Variants in CLYBL observed in about 807,000 individuals in gnomAD.
CLYBL encodes citramalyl-CoA lyase.
CLYBL carries 31 observed loss-of-function variants against 38.9 expected under a neutral mutation model. That is an observed-to-expected ratio of 0.80 (90% CI 0.60 to 1.08). The LOEUF (loss-of-function observed/expected upper bound fraction) is 1.08, where lower values mean the gene tolerates loss of function less well. CLYBL is among the 50% of genes least tolerant of loss of function. CLYBL has a pLI of 0.00. For missense variants in CLYBL, 434 were observed against 411.6 expected, an observed-to-expected ratio of 1.05 and a Z score of -0.47; for synonymous variants, 171 against 158.6, an observed-to-expected ratio of 1.08 and a Z score of -0.59.
chr13:99,713,351 T>C (rs1358265711), intron 1 of CLYBL, among the ~76,000 whole-genome samples: 1 of 147,426 alleles, frequency 6.8e-6, no homozygotes, highest in Admixed American at 6.7e-5. Flanking sequence ...TTTTTTTTTT[T>C]TTTTTTAAGA....
intron 1 of CLYBL, among the ~76,000 whole-genome samples, chr13:99,652,271 G>C (rs935954785): frequency 6.6e-6 from 1 of 152,160 alleles, no homozygotes; most frequent in Admixed American, 6.5e-5. Context: ...GTTCCTCAGG[G>C]GGTGAAGTGT....
intron 7 of CLYBL, among the ~76,000 whole-genome samples, chr13:99,880,068 A>T (rs1031621040): frequency 0.017 from 1,750 of 101,214 alleles, 27 homozygotes; most frequent in South Asian, 0.042. Flanking sequence ...ATATATATAT[A>T]TTTTTTTTTT....
chr13:99,734,630 G>A (rs1268419512), intron 1 of CLYBL, among the ~76,000 whole-genome samples: 2 of 152,156 alleles, frequency 1.3e-5, no homozygotes. Flanking sequence ...ATTTTGCCCT[G>A]TAACTTAGAT....
intron 7 of CLYBL, among the ~76,000 whole-genome samples, chr13:99,887,508 G>A (rs904422854): frequency 1.9e-4 from 29 of 152,150 alleles, no homozygotes; most frequent in Non-Finnish European, 3.7e-4. Flanking sequence ...CTTGTAATCC[G>A]AGCACTCTGG....
At chr13:99,827,650 G>T (rs986358277) in intron 2 of CLYBL, among the ~76,000 whole-genome samples, 1 of 152,174 alleles carries the variant, frequency 6.6e-6, no homozygotes, top group Admixed American at 6.5e-5. Flanking sequence ...GCCACCTGGG[G>T]AGCCCCACAC....
intron 1 of CLYBL, among the ~76,000 whole-genome samples, chr13:99,663,255 C>T (rs142169019): frequency 9.7e-4 from 147 of 152,314 alleles, no homozygotes; most frequent in African/African-American, 3.2e-3. Context: ...GCAAACAGGG[C>T]GCCGTTTGAT....
chr13:99,784,012 G>A (rs768358212), intron 2 of CLYBL: 1 of 152,086 alleles, frequency 6.6e-6, no homozygotes, highest in Non-Finnish European at 1.5e-5. Flanking sequence ...TGTTTCTGCT[G>A]ACTCTTACTT....
At chr13:99,687,466 G>A (rs986586145) in intron 1 of CLYBL, among the ~76,000 whole-genome samples, 12 of 152,114 alleles carry the variant, frequency 7.9e-5, no homozygotes, top group African/African-American at 2.7e-4. Context: ...AGTCAGCATC[G>A]GACTGAGGGC....
intron 1 of CLYBL, among the ~76,000 whole-genome samples, chr13:99,710,970 C>T (rs1192249597): frequency 6.7e-6 from 1 of 149,734 alleles, no homozygotes; most frequent in Non-Finnish European, 1.5e-5. Context: ...TCACTGCAAC[C>T]TCCGTCTCCT....
intron 2 of CLYBL, among the ~76,000 whole-genome samples, chr13:99,783,533 T>C (rs910611513): frequency 7.2e-5 from 11 of 151,888 alleles, no homozygotes; most frequent in African/African-American, 2.7e-4. Context: ...CTCAGCTCAC[T>C]GCAAGCACCG....
intron 2 of CLYBL, among the ~76,000 whole-genome samples, chr13:99,836,591 C>T (rs35662060): frequency 0.013 from 1,955 of 152,274 alleles, 54 homozygotes; most frequent in East Asian, 0.071. Context: ...GGTGATGCCA[C>T]GGTGCCACAG....
rs35403713 is a variant in CLYBL at position 99,676,186 on chromosome 13, GTCCTTCCT to G, written c.62+69475_62+69482del. ...CTGGCTTCCTTCCTTCCCTCCGTCCGTCCTTCCTTCCTTCCTTCCTTCCTTCCTTCCTT... is the reference window on the plus strand; with the variant it reads ...CTGGCTTCCTTCCTTCCCTCCGTCCGTCCTTCCTTCCTTCCTTCCTTCCTT... On this transcript the variant is annotated intron_variant, in intron 1 of 8. Transcript: ENST00000339105. Among the ~76,000 whole-genome samples the G allele has an allele frequency of 9.1e-3, 1,210 of 133,080 alleles. 14 individuals are homozygous for G. The highest frequency in any genetic ancestry group is 0.026 in the African/African-American group (884 of 33,912). 87.3% of individuals were successfully genotyped at this position (133,080 alleles called of 152,430 possible).
At chr13:99,838,517 A>G (rs2050991959) in intron 2 of CLYBL, among the ~76,000 whole-genome samples, 1 of 152,248 alleles carries the variant, frequency 6.6e-6, no homozygotes, top group Non-Finnish European at 1.5e-5. Flanking sequence ...GCACATAAAA[A>G]TGGGTTGCTG....
chr13:99,670,023 T>C (rs35774183), intron 1 of CLYBL, among the ~76,000 whole-genome samples: 44,784 of 131,362 alleles, frequency 0.34, 7,974 homozygotes, highest in Middle Eastern at 0.44. Context: ...TGAAACCCCG[T>C]CTCTATTAAA....
rs564881282 is a variant in CLYBL, at chr13:99,674,228, C to T, written c.62+67471C>T. Among the ~76,000 whole-genome samples, 33 of 145,460 alleles carry T rather than the reference C, an allele frequency of 2.3e-4. No homozygotes were observed. In the East Asian group the frequency reaches 4.4e-3, roughly 20 times the overall value. ...GTGCAATGGTGTGGTCTTGGCTCAC[C>T]GCAACCTCCGCCTCGCAGGTTCAAG... On this transcript the variant is annotated intron_variant, in intron 1 of 8. Transcript: ENST00000339105.
In CLYBL at chr13:99,746,032, A is replaced by AAG. The variant is rs2048844701; in HGVS notation, c.63-26791_63-26790insGA. Among the ~76,000 whole-genome samples the AAG allele has an allele frequency of 2.2e-5, 3 of 136,650 alleles. No homozygotes were observed. In the South Asian group the frequency reaches 6.6e-4, roughly 30 times the overall value. 89.6% of individuals were successfully genotyped at this position (136,650 alleles called of 152,430 possible). On this transcript the variant is annotated intron_variant, in intron 1 of 8. Coordinates refer to ENST00000339105, the MANE Select transcript of CLYBL (RefSeq NM_206808.5). ...GGTCATTTTCATGACAGTTACCAAAAAAAAAAATTTTTTTCAGATGTGGGA... is the reference window on the plus strand; with the variant it reads ...GGTCATTTTCATGACAGTTACCAAAAAGAAAAAAATTTTTTTCAGATGTGGGA...
chr13:99,778,538 A>T (rs1006760797), intron 2 of CLYBL, among the ~76,000 whole-genome samples: 1 of 152,214 alleles, frequency 6.6e-6, no homozygotes, highest in Non-Finnish European at 1.5e-5. Flanking sequence ...AAAGCAGTTT[A>T]TAAGTATATA....
At chr13:99,799,277 T>C (rs1173629254) in intron 2 of CLYBL, among the ~76,000 whole-genome samples, 1 of 152,076 alleles carries the variant, frequency 6.6e-6, no homozygotes, top group Non-Finnish European at 1.5e-5. Flanking sequence ...TATTCAAATA[T>C]TTACTTCAAA....
At chr13:99,776,217 G>A (rs1484705249) in intron 2 of CLYBL, among the ~76,000 whole-genome samples, 3 of 149,746 alleles carry the variant, frequency 2.0e-5, no homozygotes, top group Non-Finnish European at 4.4e-5. Flanking sequence ...AATCTTGGCC[G>A]GGTGCAGTGG....
Sources: gnomAD v4.1 joint callset for allele counts (sites outside exome capture counted in the v4.1 genomes callset) on GRCh38, gnomAD v4.1.1 for gene constraint, MANE v1.5 for transcripts, NCBI Gene and HGNC (gene_info 2026-07-23, HGNC 2026-07-21) for gene names.